TRAK1: variants seen among roughly 807,000 people sequenced by gnomAD.
The protein encoded by TRAK1 is trafficking kinesin protein 1, also known as trafficking kinesin-binding protein 1.
A neutral mutation model predicts 92.1 loss-of-function variants in TRAK1; 33 were observed. The ratio of observed to expected loss-of-function variants is 0.36; its 90% CI spans 0.27 to 0.48. TRAK1 has a LOEUF of 0.48. Ranked by LOEUF, TRAK1 falls within the 20% of genes least tolerant of loss-of-function variation. TRAK1 has a pLI of 0.99. For missense variants in TRAK1, 1,123 were observed against 1,257.9 expected (o/e 0.89, Z 1.62); for synonymous variants, 521 against 517.3 (o/e 1.01, Z -0.10).
At chr3:42,046,375 G>A (rs989334904) in intron 1 of TRAK1, among the ~76,000 whole-genome samples, 9 of 151,188 alleles carry the variant, frequency 6.0e-5, no homozygotes, top group Admixed American at 1.3e-4. Flanking sequence ...TTTTTACACC[G>A]TTCAGGAACT....
Position 42,155,090 on chromosome 3 carries a change from A to G in TRAK1, c.287-21724A>G, listed in dbSNP as rs182623948. 3.3e-5 allele frequency among the ~76,000 whole-genome samples: 5 copies of G among 152,240 alleles called. No individual in the cohort carries two copies. In the East Asian group the frequency reaches 7.7e-4, roughly 24 times the overall value. On this transcript the variant is annotated intron_variant, in intron 2 of 15. Transcript: ENST00000327628. Reference sequence around the variant, plus strand: ...TTAATTATGTAAGTAGGCACTGGCAATCACAAAGAAATAAGAGTCAAAGAG... The same window carrying G: ...TTAATTATGTAAGTAGGCACTGGCAGTCACAAAGAAATAAGAGTCAAAGAG...
At chr3:42,078,859 CTGGAATG>C (rs1559741920) in intron 1 of TRAK1, among the ~76,000 whole-genome samples, 1 of 151,976 alleles carries the variant, frequency 6.6e-6, no homozygotes, top group Non-Finnish European at 1.5e-5. Flanking sequence ...GTCATTGGCT[CTGGAATG>C]TGGGTGGGAG....
intron 1 of TRAK1, among the ~76,000 whole-genome samples, chr3:42,112,783 GT>G (rs1175054668): frequency 6.7e-6 from 1 of 148,362 alleles, no homozygotes; most frequent in Non-Finnish European, 1.5e-5. Flanking sequence ...TTGTTTGTTT[GT>G]TTTAAAGAGA....
intron 14 of TRAK1, chr3:42,210,627 G>A: frequency 2.0e-6 from 2 of 1,011,956 alleles, no homozygotes; most frequent in Non-Finnish European, 2.4e-6. Context: ...AACCAGGAAA[G>A]GCTCAGGATT....
At chr3:42,219,367 C>T in intron 14 of TRAK1, 127 bp from the exon 15 acceptor site, 1 of 1,571,710 alleles carries the variant, frequency 6.4e-7, no homozygotes, top group Non-Finnish European at 8.6e-7. Context: ...GTTTCACCTT[C>T]CTCGCCCAGA....
At chr3:42,198,907 T>C (rs1576963360) in intron 10 of TRAK1, among the ~76,000 whole-genome samples, 2 of 152,176 alleles carry the variant, frequency 1.3e-5, no homozygotes, top group African/African-American at 2.4e-5. Context: ...CAACGGAGCA[T>C]AGGGTTTGCT....
chr3:42,117,832 T>G (rs1294365462), intron 1 of TRAK1, among the ~76,000 whole-genome samples: 5 of 152,090 alleles, frequency 3.3e-5, no homozygotes, highest in Non-Finnish European at 1.5e-5. Flanking sequence ...TTCTTTTTTT[T>G]TTTTGAGACT....
At chr3:42,043,166 T>C (rs1420257826) in intron 1 of TRAK1, among the ~76,000 whole-genome samples, 1 of 152,066 alleles carries the variant, frequency 6.6e-6, no homozygotes, top group East Asian at 1.9e-4. Context: ...GGCAGCAGCT[T>C]AGCAACCATT....
intron 1 of TRAK1, among the ~76,000 whole-genome samples, chr3:42,100,327 A>G (rs1706567972): frequency 1.3e-5 from 2 of 152,196 alleles, no homozygotes; most frequent in African/African-American, 2.4e-5. Flanking sequence ...TGATTGTGCC[A>G]CTGCACTCCA....
intron 14 of TRAK1, chr3:42,219,233 G>A (rs1360065561): frequency 5.1e-6 from 5 of 984,638 alleles, no homozygotes; most frequent in Non-Finnish European, 6.0e-6. Context: ...TCCACTACTG[G>A]CCCAAGAATA....
chr3:42,067,413 G>T (rs1334015614), intron 1 of TRAK1, among the ~76,000 whole-genome samples: 2 of 152,220 alleles, frequency 1.3e-5, no homozygotes, highest in Non-Finnish European at 1.5e-5. Context: ...CTACAGTGAA[G>T]TCAAAATATA....
intron 2 of TRAK1, among the ~76,000 whole-genome samples, chr3:42,137,390 C>T (rs961166013): frequency 6.6e-6 from 1 of 152,176 alleles, no homozygotes; most frequent in Non-Finnish European, 1.5e-5. Flanking sequence ...TGAACACATC[C>T]TAAAGATTTT....
At position 42,200,958 on chromosome 3, in the gene TRAK1, C is replaced by T. The variant is rs759876781; in HGVS notation, c.1331C>T (p.Thr444Ile). The T allele has an allele frequency of 1.9e-6, 3 of 1,613,988 alleles. No homozygotes were observed. Among genetic ancestry groups the T allele is most frequent in the South Asian group, 2.2e-5 (2 of 91,078 alleles). The change falls in exon 12 of 16, where the codon ACC becomes ATC. Residue 444 changes from threonine to isoleucine, a missense_variant. Thr to Ile is a moderately conservative substitution (Grantham distance 89). Around this residue, in one of 3 missense-constraint regions of TRAK1, gnomAD observed 686 missense variants for 747.6 expected, o/e 0.92. Coordinates refer to ENST00000327628, the MANE Select transcript of TRAK1 (RefSeq NM_001042646.3). ...TCCCTCCTGTCCAGCTGCGTCAGCA[C>T]CCCCCGGTCCAGCTTCTACGGCAGC... Reference protein sequence around the residue: ...MNSLLSSCVSTPRSSFYGSDI... With the variant: ...MNSLLSSCVSIPRSSFYGSDI...
chr3:42,053,871 G>A (rs570272281), intron 1 of TRAK1, among the ~76,000 whole-genome samples: 1 of 152,246 alleles, frequency 6.6e-6, no homozygotes, highest in African/African-American at 2.4e-5. Context: ...AAAATCTCTG[G>A]CCCTGCAATC....
chr3:42,098,439 G>A (rs1420784187), intron 1 of TRAK1, among the ~76,000 whole-genome samples: 1 of 152,174 alleles, frequency 6.6e-6, no homozygotes, highest in Non-Finnish European at 1.5e-5. Context: ...GGTTGTGAGT[G>A]TGCAGTAAGT....
At chr3:42,134,922 G>A (rs1697749293) in intron 2 of TRAK1, among the ~76,000 whole-genome samples, 1 of 151,810 alleles carries the variant, frequency 6.6e-6, no homozygotes, top group East Asian at 1.9e-4. Context: ...CACCCAGGCT[G>A]GAGTGCAGTG....
At chr3:42,053,522 C>T (rs1423631231) in intron 1 of TRAK1, among the ~76,000 whole-genome samples, 2 of 151,966 alleles carry the variant, frequency 1.3e-5, no homozygotes, top group South Asian at 4.2e-4. Flanking sequence ...GTATGGGCTT[C>T]TTTCCTCCTG....
At chr3:42,203,106 G>T in intron 13 of TRAK1, 2 of 1,230,632 alleles carry the variant, frequency 1.6e-6, no homozygotes, top group South Asian at 8.4e-5. Flanking sequence ...ATTAGGTTTT[G>T]CCTGTGGGTG....
chr3:42,210,527 G>A, intron 14 of TRAK1: 5 of 1,161,686 alleles, frequency 4.3e-6, no homozygotes, highest in Non-Finnish European at 5.3e-6. Flanking sequence ...TGATTTCCAA[G>A]TGGAGCTGAG....
Sources: allele counts gnomAD v4.1 joint callset (sites outside exome capture counted in the v4.1 genomes callset), GRCh38; gene constraint gnomAD v4.1.1; regional missense constraint gnomAD v4.1.1; transcripts MANE v1.5; gene names NCBI Gene and HGNC (gene_info 2026-07-23, HGNC 2026-07-21).